Variants in CAST observed in about 807,000 individuals in gnomAD.
The protein encoded by CAST is calpastatin.
A neutral mutation model predicts 119.6 loss-of-function variants in CAST; 76 were observed. That is an observed-to-expected ratio of 0.64 (90% CI 0.53 to 0.77). The LOEUF is 0.77. Ranked by LOEUF, CAST falls within the 30% of genes least tolerant of loss-of-function variation. The pLI is 0.00. For missense variants in CAST, 953 were observed against 946.5 expected (o/e 1.01, Z -0.09); for synonymous variants, 319 against 331.6 (o/e 0.96, Z 0.41).
chr5:96,534,871 GAAAGAAAGA>G (rs1561409158), intron 1 of CAST, among the ~76,000 whole-genome samples: 3 of 22,174 alleles, frequency 1.4e-4, no homozygotes, highest in African/African-American at 3.8e-4. Flanking sequence ...GAAGGAAGGA[GAAAGAAAGA>G]AAAGAAAGAA....
At chr5:96,452,976 A>AAAAAAAAAAAAAG in the CAST span, among the ~76,000 whole-genome samples, 152 of 142,368 alleles carry the variant, frequency 1.1e-3, 3 homozygotes, top group African/African-American at 4.3e-3. Flanking sequence ...AAAAAAAAAA[A>AAAAAAAAAAAAAG]CAGAAGAAAG....
In CAST at chr5:96,569,857, C is replaced by T. The variant is rs898059340; in HGVS notation, c.60+39977C>T. Reference sequence around the variant, plus strand: ...TTCCCTCTTATATGTGCACAAAGCACATTTCTCCTGTGAGTCAGTAAACTA... The same window carrying T: ...TTCCCTCTTATATGTGCACAAAGCATATTTCTCCTGTGAGTCAGTAAACTA... On this transcript the variant is annotated intron_variant, in intron 1 of 11. Coordinates refer to the CAST transcript ENST00000505143. Among the ~76,000 whole-genome samples the T allele has an allele frequency of 2.6e-5, 4 of 152,344 alleles. No homozygotes were observed. The East Asian group carries it at 7.7e-4, about 29-fold the overall frequency.
chr5:96,714,500 T>G (rs1581090754), intron 3 of CAST: 1 of 152,230 alleles, frequency 6.6e-6, no homozygotes, highest in Non-Finnish European at 1.5e-5. Flanking sequence ...TCATGGCTCC[T>G]GTAGTGCCTG....
chr5:96,128,042 G>A, the CAST span, among the ~76,000 whole-genome samples: 533 of 152,110 alleles, frequency 3.5e-3, 2 homozygotes, highest in African/African-American at 4.6e-3. Flanking sequence ...TTTCCTGTCT[G>A]GGAAAGAGAC....
At chr5:96,604,176 AT>A (rs1218402802) in intron 1 of CAST, among the ~76,000 whole-genome samples, 17 of 152,084 alleles carry the variant, frequency 1.1e-4, no homozygotes, top group African/African-American at 3.6e-4. Flanking sequence ...AGCATTAGGA[AT>A]TTTTCAGCTC....
At chr5:96,539,891 G>C (rs7713454) in intron 1 of CAST, among the ~76,000 whole-genome samples, 92,519 of 151,548 alleles carry the variant, frequency 0.61, 28,569 homozygotes, top group East Asian at 0.86. Context: ...TTCTATTTGG[G>C]CAATCTGTCC....
intron 3 of CAST, among the ~76,000 whole-genome samples, chr5:96,718,152 G>A (rs966885490): frequency 5.9e-5 from 9 of 152,096 alleles, no homozygotes; most frequent in African/African-American, 1.2e-4. Flanking sequence ...GAGGAAATAC[G>A]GAGGCTCCAA....
At chr5:96,470,841 A>G in the CAST span, among the ~76,000 whole-genome samples, 2 of 152,102 alleles carry the variant, frequency 1.3e-5, no homozygotes, top group African/African-American at 4.8e-5. Flanking sequence ...TACAGGACCA[A>G]AAGGAAAGTA....
chr5:96,349,139 A>ATTTTTTTTTTTTTTTTTTTTTTT, the CAST span, among the ~76,000 whole-genome samples: 37 of 89,622 alleles, frequency 4.1e-4, 2 homozygotes, highest in African/African-American at 1.2e-3. Flanking sequence ...CAAGGACACT[A>ATTTTTTTTTTTTTTTTTTTTTTT]TTTTTTTTTT....
the CAST span, among the ~76,000 whole-genome samples, chr5:96,035,129 A>T: frequency 7.0e-6 from 1 of 143,384 alleles, no homozygotes; most frequent in Non-Finnish European, 1.5e-5. Context: ...AATATTTTAT[A>T]TATTATATAT....
the CAST span, among the ~76,000 whole-genome samples, chr5:96,289,516 C>T: frequency 1.3e-5 from 2 of 152,184 alleles, no homozygotes; most frequent in Non-Finnish European, 2.9e-5. Flanking sequence ...AAACCCCTTT[C>T]ACTTGGTTCT....
rs1760318070 is a variant in CAST, at chr5:96,730,848, G to A, written c.618G>A (p.Lys206=). 2 of 1,613,228 alleles carry A rather than the reference G, an allele frequency of 1.2e-6. No individual in the cohort carries two copies. The highest frequency in any genetic ancestry group is 1.7e-6 in the Non-Finnish European group (2 of 1,179,184). Residue 206 remains lysine, a synonymous_variant, in exon 9 of 32, where the codon AAG becomes AAA. Transcript: ENST00000675179. ...SVAGITAISG[K]PGDKKKEKKS... The stretch of plus-strand genomic sequence containing the variant: ...CTGGTATCACTGCAATATCTGGCAA[G>A]CCGGGTGACAAGGTGAGCACACACA...
intron 20 of CAST, among the ~76,000 whole-genome samples, chr5:96,752,959 T>TAC (rs1246757941): frequency 2.9e-5 from 3 of 103,336 alleles, no homozygotes; most frequent in Non-Finnish European, 6.7e-5. Flanking sequence ...TGATGCATTT[T>TAC]ATACACACAC....
chr5:95,983,793 G>C, the CAST span, among the ~76,000 whole-genome samples: 4 of 152,122 alleles, frequency 2.6e-5, no homozygotes, highest in African/African-American at 7.2e-5. Context: ...ATTAAGAGAA[G>C]GGGGAACATT....
chr5:96,376,354 T>C, the CAST span, among the ~76,000 whole-genome samples: 9 of 152,186 alleles, frequency 5.9e-5, no homozygotes, highest in Non-Finnish European at 1.0e-4. Flanking sequence ...TTATGTACAG[T>C]ACATAATGTT....
the CAST span, among the ~76,000 whole-genome samples, chr5:96,361,978 TC>T: frequency 6.6e-6 from 1 of 151,958 alleles, no homozygotes; most frequent in African/African-American, 2.4e-5. Flanking sequence ...ATGCTATCCC[TC>T]CCCTTCCCCA....
rs1773219537 is a variant in CAST at position 96,773,560 on chromosome 5, A to G, written c.*944A>G. 6.6e-6 allele frequency: 1 copy of G among 152,154 alleles called. No individual in the cohort carries two copies. Among genetic ancestry groups the G allele is most frequent in the Non-Finnish European group, 1.5e-5 (1 of 67,974 alleles). 9.4% of individuals were successfully genotyped at this position (152,154 alleles called of 1,614,324 possible). ...ATAGCGTCTGGCTTTATGGAACTTA[A>G]GTTTACCAAATATAAAAAGAAACTT... On this transcript the variant is annotated 3_prime_UTR_variant, in exon 32 of 32. Coordinates refer to ENST00000675179, the MANE Select transcript of CAST (RefSeq NM_001750.7).
chr5:96,186,738 T>C, the CAST span, among the ~76,000 whole-genome samples: 1 of 152,230 alleles, frequency 6.6e-6, no homozygotes, highest in African/African-American at 2.4e-5. Flanking sequence ...GATGTGCTGG[T>C]ACGTTTGGTT....
the CAST span, among the ~76,000 whole-genome samples, chr5:96,209,548 G>C: frequency 6.6e-6 from 1 of 151,908 alleles, no homozygotes; most frequent in Non-Finnish European, 1.5e-5. Flanking sequence ...TGTCTGAAAA[G>C]AATCTTATTT....
Sources: allele counts gnomAD v4.1 joint callset (sites outside exome capture counted in the v4.1 genomes callset), GRCh38; gene constraint gnomAD v4.1.1; transcripts MANE v1.5; gene names NCBI Gene and HGNC (gene_info 2026-07-23, HGNC 2026-07-21).